The following PRKD1 variants were observed in gnomAD, a reference collection of about 807,000 sequenced individuals.
The protein encoded by PRKD1 is protein kinase D1, also known as serine/threonine-protein kinase D1.
PRKD1 carries 63 observed loss-of-function variants against 95.9 expected under a neutral mutation model. The observed-to-expected ratio is 0.66, with a 90% confidence interval of 0.54 to 0.81. The LOEUF (loss-of-function observed/expected upper bound fraction) is 0.81, where lower values mean the gene tolerates loss of function less well. PRKD1 is among the 30% of genes least tolerant of loss of function. The pLI is 0.00. For synonymous variants in PRKD1, 425 were observed against 423.1 expected (o/e 1.00, Z -0.05); for missense variants, 1,048 against 1,165.3 (o/e 0.90, Z 1.47).
At chr14:29,828,079 C>A (rs1218693018) in intron 1 of PRKD1, among the ~76,000 whole-genome samples, 1 of 152,146 alleles carries the variant, frequency 6.6e-6, no homozygotes, top group Non-Finnish European at 1.5e-5. Context: ...CCCTATAATT[C>A]TCTTACCTAA....
At position 29,630,788 on chromosome 14, in the gene PRKD1, G is replaced by A. The variant is rs375056616; in HGVS notation, c.1626C>T (p.Pro542=). 18 of 1,614,030 alleles carry A rather than the reference G, an allele frequency of 1.1e-5. No homozygotes were observed. The highest frequency in any genetic ancestry group is 9.3e-5 in the African/African-American group (7 of 75,018). The change falls in exon 10 of 18, where the codon CCC becomes CCT. Residue 542 remains proline, a synonymous_variant. Transcript: ENST00000331968. ...CCACGGAGGAGCCCTTGGGAATGAC[G>A]GGCATAAGGGCATGCTGGATGGCTA... ...WEIAIQHALM[P]VIPKGSSVGT...
chr14:29,736,289 A>G (rs45496495), intron 1 of PRKD1, among the ~76,000 whole-genome samples: 1,928 of 152,332 alleles, frequency 0.013, 29 homozygotes, highest in African/African-American at 0.044. Flanking sequence ...GTTTTATTGA[A>G]CATAACATTC....
intron 7 of PRKD1, among the ~76,000 whole-genome samples, 200 bp downstream of exon 7, chr14:29,636,090 A>G (rs1880350601): frequency 6.6e-6 from 1 of 152,184 alleles, no homozygotes; most frequent in Non-Finnish European, 1.5e-5. Context: ...ATGCTGGGAA[A>G]GAATGGCAAC....
chr14:29,654,257 T>A (rs1881703204), intron 4 of PRKD1, among the ~76,000 whole-genome samples: 1 of 152,068 alleles, frequency 6.6e-6, no homozygotes, highest in African/African-American at 2.4e-5. Flanking sequence ...ATGCAACCTC[T>A]GCCTCTCGGG....
At chr14:29,702,124 G>A (rs2139329638) in intron 2 of PRKD1, among the ~76,000 whole-genome samples, 1 of 152,196 alleles carries the variant, frequency 6.6e-6, no homozygotes. Flanking sequence ...ATCCAAGAAT[G>A]TATCACAGTT....
rs1280606749 is a variant in PRKD1 at position 29,813,023 on chromosome 14, T to C, written c.265-87349A>G. 2.6e-5 allele frequency among the ~76,000 whole-genome samples: 4 copies of C among 152,098 alleles called. No individual in the cohort carries two copies. The South Asian group carries it at 6.2e-4, about 24-fold the overall frequency. ...TACTCAGGAGGCTGAGGCAGGAGAA[T>C]TGCTTGAACCTGGGAGGTGGAGGTT... On this transcript the variant is annotated intron_variant, in intron 1 of 17. Transcript: ENST00000331968.
At chr14:29,797,209 G>T (rs570431149) in intron 1 of PRKD1, among the ~76,000 whole-genome samples, 1 of 152,160 alleles carries the variant, frequency 6.6e-6, no homozygotes, top group Non-Finnish European at 1.5e-5. Context: ...TAGCCTGAGG[G>T]ACTACTTCAA....
chr14:29,652,699 A>C (rs1044907497), intron 4 of PRKD1: 1 of 152,244 alleles, frequency 6.6e-6, no homozygotes, highest in African/African-American at 2.4e-5. Flanking sequence ...AATGTACTAC[A>C]TGAGTGTCAT....
chr14:29,713,817 C>A (rs978033458), intron 2 of PRKD1, among the ~76,000 whole-genome samples: 42 of 152,088 alleles, frequency 2.8e-4, no homozygotes, highest in Admixed American at 1.3e-3. Context: ...TACATCATAA[C>A]CATGACCAGT....
intron 11 of PRKD1, among the ~76,000 whole-genome samples, chr14:29,628,108 T>C (rs1340424655): frequency 6.6e-6 from 1 of 152,212 alleles, no homozygotes; most frequent in Non-Finnish European, 1.5e-5. Flanking sequence ...GAAATTTCTT[T>C]AGGAATTTAT....
chr14:29,842,277 T>G (rs979324264), intron 1 of PRKD1, among the ~76,000 whole-genome samples: 2 of 152,188 alleles, frequency 1.3e-5, no homozygotes, highest in African/African-American at 4.8e-5. Context: ...AATATACTAG[T>G]TTATTATCAT....
intron 1 of PRKD1, among the ~76,000 whole-genome samples, chr14:29,729,681 T>G (rs1051863646): frequency 4.6e-5 from 7 of 152,048 alleles, no homozygotes; most frequent in African/African-American, 1.7e-4. Flanking sequence ...TTATTTCCAT[T>G]CTTTAACTTA....
intron 16 of PRKD1, among the ~76,000 whole-genome samples, chr14:29,586,055 T>G (rs775448607): frequency 1.6e-4 from 24 of 152,358 alleles, no homozygotes; most frequent in Admixed American, 5.2e-4. Flanking sequence ...TGTATTTTAA[T>G]GGCTGCTAGG....
intron 1 of PRKD1, among the ~76,000 whole-genome samples, chr14:29,746,377 C>A (rs1482104636): frequency 6.6e-6 from 1 of 152,194 alleles, no homozygotes; most frequent in African/African-American, 2.4e-5. Flanking sequence ...GAACCTTCAA[C>A]CACCAAGCAC....
chr14:29,584,200 A>G (rs896072868), intron 16 of PRKD1, among the ~76,000 whole-genome samples: 2 of 152,230 alleles, frequency 1.3e-5, no homozygotes, highest in African/African-American at 4.8e-5. Context: ...AACAAAATAC[A>G]GAATTATATT....
chr14:29,898,223 A>G lies in PRKD1; in HGVS notation c.264+29026T>C, dbSNP rs886137320. Among the ~76,000 whole-genome samples the G allele has an allele frequency of 2.0e-5, 3 of 152,182 alleles. No homozygotes were observed. The East Asian group carries it at 5.8e-4, about 29-fold the overall frequency. On this transcript the variant is annotated intron_variant, in intron 1 of 17. Coordinates refer to ENST00000331968, the MANE Select transcript of PRKD1 (RefSeq NM_002742.3). Reference sequence around the variant, plus strand: ...TTTTGCACATTAAGACAAGAAAATAAGAGATTCTATGTATGTTTCTGATGG... The same window carrying G: ...TTTTGCACATTAAGACAAGAAAATAGGAGATTCTATGTATGTTTCTGATGG...
intron 1 of PRKD1, among the ~76,000 whole-genome samples, chr14:29,804,295 C>G (rs1486287471): frequency 1.3e-5 from 2 of 150,900 alleles, no homozygotes; most frequent in Non-Finnish European, 3.0e-5. Flanking sequence ...CATTGTTATA[C>G]AAGATTCCCA....
intron 2 of PRKD1, among the ~76,000 whole-genome samples, chr14:29,668,962 A>G (rs1324287160): frequency 6.6e-6 from 1 of 152,250 alleles, no homozygotes; most frequent in Non-Finnish European, 1.5e-5. Flanking sequence ...TCCTGACACC[A>G]GAACCATATA....
chr14:29,697,745 T>G (rs1356039700), intron 2 of PRKD1, among the ~76,000 whole-genome samples: 1 of 152,160 alleles, frequency 6.6e-6, no homozygotes, highest in African/African-American at 2.4e-5. Flanking sequence ...CTCCAGCAAT[T>G]TCAGCAAATG....
Sources: allele counts gnomAD v4.1 joint callset (sites outside exome capture counted in the v4.1 genomes callset), GRCh38; gene constraint gnomAD v4.1.1; transcripts MANE v1.5; gene names NCBI Gene and HGNC (gene_info 2026-07-23, HGNC 2026-07-21).